Variants in ENOX1 observed in about 807,000 individuals in gnomAD.
ENOX1 encodes the protein ecto-NOX disulfide-thiol exchanger 1, also known as candidate growth-related and time keeping constitutive hydroquinone (NADH) oxidase.
ENOX1 carries 42 observed loss-of-function variants against 82.5 expected under a neutral mutation model. That is an observed-to-expected ratio of 0.51 (90% CI 0.40 to 0.66). The LOEUF is 0.66. Among genes scored for constraint, ENOX1 ranks in the 30% least tolerant of loss-of-function variants. The pLI, the probability that ENOX1 is intolerant of heterozygous loss-of-function variation, is 0.00. For synonymous variants in ENOX1, 271 were observed against 282.2 expected, an observed-to-expected ratio of 0.96 and a Z score of 0.40; for missense variants, 608 against 811.6, an observed-to-expected ratio of 0.75 and a Z score of 3.05.
intron 2 of ENOX1, among the ~76,000 whole-genome samples, chr13:43,549,950 G>C (rs762926989): frequency 2.4e-4 from 37 of 152,318 alleles, no homozygotes; most frequent in Middle Eastern, 6.8e-3. Context: ...CCAGTTTTGT[G>C]GATGACAATT....
rs979585734 is a variant in ENOX1 at position 43,412,072 on chromosome 13, C to G, written c.71-19G>C. On this transcript the variant is annotated intron_variant, in intron 4 of 16. Coordinates refer to ENST00000690772, the MANE Select transcript of ENOX1 (RefSeq NM_001347969.2). Reference sequence around the variant, plus strand: ...TCGGCTGCTGTGGGGAAAAACAAACCATGATTTAGAGTCCATAGGCAAGGG... The same window carrying G: ...TCGGCTGCTGTGGGGAAAAACAAACGATGATTTAGAGTCCATAGGCAAGGG... 1.2e-6 allele frequency: 2 copies of G among 1,611,648 alleles called. No individual in the cohort carries two copies. Among genetic ancestry groups the G allele is most frequent in the Non-Finnish European group, 1.7e-6 (2 of 1,178,026 alleles).
intron 2 of ENOX1, among the ~76,000 whole-genome samples, chr13:43,616,880 A>G (rs999671521): frequency 2.0e-5 from 3 of 152,144 alleles, no homozygotes; most frequent in African/African-American, 7.2e-5. Flanking sequence ...TTTGAAACTC[A>G]TATCTACTTA....
At chr13:43,748,463 G>A (rs982290942) in intron 1 of ENOX1, among the ~76,000 whole-genome samples, 7 of 152,160 alleles carry the variant, frequency 4.6e-5, no homozygotes, top group East Asian at 3.8e-4. Flanking sequence ...CCTGATTTAC[G>A]TAATAGAGCA....
rs145217147 is a variant in ENOX1 at position 43,508,647 on chromosome 13, A to T, written c.-218-24495T>A. Among the ~76,000 whole-genome samples the T allele has an allele frequency of 1.4e-3, 220 of 152,160 alleles. 3 individuals are homozygous for T. In the East Asian group the frequency reaches 0.019, roughly 13 times the overall value. On this transcript the variant is annotated intron_variant, in intron 2 of 16. Coordinates refer to ENST00000690772, the MANE Select transcript of ENOX1 (RefSeq NM_001347969.2). ...TCTAAAATAGGAGGGTATTTTAGCA[A>T]TGGGGAGCTGCTAGATCATTATGTA...
chr13:43,607,599 C>T (rs181309457), intron 2 of ENOX1, among the ~76,000 whole-genome samples: 1 of 152,136 alleles, frequency 6.6e-6, no homozygotes, highest in Non-Finnish European at 1.5e-5. Flanking sequence ...TACATATCAT[C>T]TGACCAACAA....
rs2081769391 is a variant in ENOX1, at chr13:43,602,481, C to T, written c.-219+64998G>A. Among the ~76,000 whole-genome samples the T allele has an allele frequency of 3.3e-5, 5 of 151,902 alleles. No homozygotes were observed. The South Asian group carries it at 1.0e-3, about 32-fold the overall frequency. ...ACACATTTATCATATGATATATATA[C>T]ACACAATTTCCACATTTATCTTATA... On this transcript the variant is annotated intron_variant, in intron 2 of 16. Transcript: ENST00000690772.
intron 1 of ENOX1, among the ~76,000 whole-genome samples, chr13:43,709,946 A>C (rs2087577135): frequency 6.6e-6 from 1 of 152,210 alleles, no homozygotes; most frequent in Non-Finnish European, 1.5e-5. Context: ...TTCAACAAAC[A>C]GATCATTCCT....
intron 2 of ENOX1, among the ~76,000 whole-genome samples, chr13:43,660,972 T>C (rs1033125377): frequency 1.3e-5 from 2 of 152,224 alleles, no homozygotes; most frequent in Non-Finnish European, 2.9e-5. Flanking sequence ...AGTGGATCAT[T>C]AAGATGTTGA....
At chr13:43,259,705 A>C (rs1193315251) in intron 14 of ENOX1, among the ~76,000 whole-genome samples, 1 of 152,106 alleles carries the variant, frequency 6.6e-6, no homozygotes, top group Non-Finnish European at 1.5e-5. Flanking sequence ...TAAACTCCTG[A>C]CCTCGTGATC....
chr13:43,657,285 C>A (rs1292254706), intron 2 of ENOX1, among the ~76,000 whole-genome samples: 1 of 152,176 alleles, frequency 6.6e-6, no homozygotes, highest in Non-Finnish European at 1.5e-5. Context: ...CCAGAGATAA[C>A]TGCTTTCAAT....
At chr13:43,596,484 T>C (rs1230517691) in intron 2 of ENOX1, among the ~76,000 whole-genome samples, 4 of 152,268 alleles carry the variant, frequency 2.6e-5, no homozygotes, top group Non-Finnish European at 5.9e-5. Context: ...CCAGTTTATA[T>C]TTTCTGGCTT....
At chr13:43,247,367 T>C (rs1349248848) in intron 14 of ENOX1, among the ~76,000 whole-genome samples, 1 of 151,966 alleles carries the variant, frequency 6.6e-6, no homozygotes. Context: ...TTTTAAAATA[T>C]TGGAGCTGAG....
intron 3 of ENOX1, among the ~76,000 whole-genome samples, chr13:43,447,497 C>G (rs2056717480): frequency 6.6e-6 from 1 of 152,042 alleles, no homozygotes; most frequent in African/African-American, 2.4e-5. Flanking sequence ...GGTAGGAACC[C>G]TGCAAGATAG....
At chr13:43,739,265 T>C (rs1426603919) in intron 1 of ENOX1, among the ~76,000 whole-genome samples, 1 of 152,036 alleles carries the variant, frequency 6.6e-6, no homozygotes, top group Non-Finnish European at 1.5e-5. Context: ...GATAAATATA[T>C]TGGTGGGTGT....
chr13:43,401,200 C>T (rs1234888908), intron 5 of ENOX1, among the ~76,000 whole-genome samples: 1 of 152,172 alleles, frequency 6.6e-6, no homozygotes, highest in African/African-American at 2.4e-5. Flanking sequence ...TATCCCTAGG[C>T]AATACATACA....
rs544859504 is a variant in ENOX1, at chr13:43,696,227, T to C, written c.-284-28683A>G. ...ATGGACATGTGGGTTCTTCCCACTG[T>C]TTAGCTATTATGACTGATGTTGTTA... On this transcript the variant is annotated intron_variant, in intron 1 of 16. Coordinates refer to ENST00000690772, the MANE Select transcript of ENOX1 (RefSeq NM_001347969.2). 1.6e-3 allele frequency among the ~76,000 whole-genome samples: 240 copies of C among 152,338 alleles called. 1 individual carries two copies. Among genetic ancestry groups the C allele is most frequent in the African/African-American group, 5.6e-3 (233 of 41,598 alleles).
intron 2 of ENOX1, among the ~76,000 whole-genome samples, chr13:43,540,840 A>T (rs2078675250): frequency 6.6e-6 from 1 of 152,162 alleles, no homozygotes; most frequent in African/African-American, 2.4e-5. Context: ...CCCTCAAAAA[A>T]GGTGGTGCCT....
intron 1 of ENOX1, among the ~76,000 whole-genome samples, chr13:43,728,140 G>A (rs1054319133): frequency 2.6e-5 from 4 of 152,040 alleles, no homozygotes; most frequent in Admixed American, 6.6e-5. Context: ...CTGGAGAGAG[G>A]TGAAAAAACA....
chr13:43,593,466 C>G (rs1594000780), intron 2 of ENOX1, among the ~76,000 whole-genome samples: 1 of 69,774 alleles, frequency 1.4e-5, no homozygotes, highest in East Asian at 3.3e-4. Context: ...GCAGCGAAAC[C>G]CTTAAAACAA....
Sources: gnomAD v4.1 joint callset for allele counts (sites outside exome capture counted in the v4.1 genomes callset) on GRCh38, gnomAD v4.1.1 for gene constraint, MANE v1.5 for transcripts, NCBI Gene and HGNC (gene_info 2026-07-23, HGNC 2026-07-21) for gene names.